NRG1: variants seen among roughly 807,000 people sequenced by gnomAD.
NRG1 encodes the protein neuregulin 1.
A neutral mutation model predicts 63.8 loss-of-function variants in NRG1; 18 were observed. That is an observed-to-expected ratio of 0.28 (90% CI 0.19 to 0.42). The LOEUF (loss-of-function observed/expected upper bound fraction) is 0.42. NRG1 is among the 10% of genes least tolerant of loss of function. NRG1 has a pLI of 1.00. For synonymous variants in NRG1, 302 were observed against 301.3 expected, an observed-to-expected ratio of 1.00 and a Z score of -0.02; for missense variants, 762 against 814.7, an observed-to-expected ratio of 0.94 and a Z score of 0.79.
intron 1 of NRG1, among the ~76,000 whole-genome samples, chr8:32,042,510 A>G (rs190963944): frequency 7.9e-5 from 12 of 152,192 alleles, no homozygotes; most frequent in Non-Finnish European, 1.3e-4. Flanking sequence ...TATAATGAAA[A>G]ATTGCTCAGC....
chr8:32,299,045 A>G lies in NRG1; in HGVS notation c.38-296783A>G, dbSNP rs111295972. ...TATCTCAAAAAAAAAAAAAAAAAAA[A>G]AAAGAAAGAAATAAAAAGCAAATAC... On this transcript the variant is annotated intron_variant, in intron 1 of 10. Coordinates refer to the NRG1 transcript ENST00000519301. 5.7e-3 allele frequency among the ~76,000 whole-genome samples: 823 copies of G among 145,108 alleles called. 10 individuals are homozygous for G. Among genetic ancestry groups the G allele is most frequent in the Middle Eastern group, 0.022 (6 of 274 alleles).
intron 1 of NRG1, among the ~76,000 whole-genome samples, chr8:32,467,649 T>C (rs570300236): frequency 6.6e-6 from 1 of 152,336 alleles, no homozygotes; most frequent in African/African-American, 2.4e-5. Flanking sequence ...AAACCAAATG[T>C]AGATCTGTCC....
rs949067328 is a variant in NRG1 at position 32,709,571 on chromosome 8, C to A, written c.503-18378C>A. 4.6e-5 allele frequency among the ~76,000 whole-genome samples: 7 copies of A among 151,994 alleles called. No individual in the cohort carries two copies. The East Asian group carries it at 1.2e-3, about 25-fold the overall frequency. ...GACTATGGGCCCATACCACCATGCC[C>A]GGCTAATTTTTAAATTGTTTTATTT... On this transcript the variant is annotated intron_variant, in intron 5 of 11. Transcript: ENST00000356819.
At chr8:31,748,490 A>G (rs1387838618) in intron 1 of NRG1, among the ~76,000 whole-genome samples, 1 of 151,872 alleles carries the variant, frequency 6.6e-6, no homozygotes, top group African/African-American at 2.4e-5. Flanking sequence ...GTTAGATTTT[A>G]GTTCTTTGTT....
chr8:31,741,800 G>C (rs1314207660), intron 1 of NRG1, among the ~76,000 whole-genome samples: 1 of 151,974 alleles, frequency 6.6e-6, no homozygotes, highest in Non-Finnish European at 1.5e-5. Context: ...AAAGTTTGAA[G>C]ATAGACCTAT....
At chr8:32,390,965 A>G (rs575820901) in intron 1 of NRG1, among the ~76,000 whole-genome samples, 1 of 152,376 alleles carries the variant, frequency 6.6e-6, no homozygotes, top group Non-Finnish European at 1.5e-5. Flanking sequence ...ACTCCAAAGT[A>G]TCAAATATTT....
chr8:32,342,193 A>G (rs1804167195), intron 1 of NRG1, among the ~76,000 whole-genome samples: 1 of 152,214 alleles, frequency 6.6e-6, no homozygotes, highest in Non-Finnish European at 1.5e-5. Context: ...GGGCAGAATA[A>G]AAAATGTCTA....
Position 32,256,146 on chromosome 8 carries a change from G to A in NRG1, c.38-339682G>A, listed in dbSNP as rs142755710. On this transcript the variant is annotated intron_variant, in intron 1 of 10. Coordinates refer to the NRG1 transcript ENST00000519301. ...AAGTTTCTTACCTTCCTTGCATTGG[G>A]AGGAGCTTGTTATTACCCACCTTCT... Among the ~76,000 whole-genome samples the A allele has an allele frequency of 3.3e-3, 499 of 152,004 alleles. 2 individuals are homozygous for A. Among genetic ancestry groups the A allele is most frequent in the African/African-American group, 0.011 (471 of 41,502 alleles).
chr8:31,653,539 C>T (rs4573230), intron 1 of NRG1, among the ~76,000 whole-genome samples: 146,111 of 152,262 alleles, frequency 0.96, 70,364 homozygotes, highest in East Asian at 1. Context: ...CAATTTGTGA[C>T]GGTCATTTAT....
At chr8:32,633,419 A>T (rs914209527) in intron 5 of NRG1, among the ~76,000 whole-genome samples, 19 of 152,188 alleles carry the variant, frequency 1.2e-4, no homozygotes, top group Non-Finnish European at 2.5e-4. Context: ...CCTGGGCATG[A>T]TCCCTTCTGG....
At chr8:32,363,426 G>T (rs938913897) in intron 1 of NRG1, among the ~76,000 whole-genome samples, 3 of 152,166 alleles carry the variant, frequency 2.0e-5, no homozygotes, top group African/African-American at 4.8e-5. Context: ...GAAGGGATTT[G>T]CTTCTTGGTA....
intron 1 of NRG1, among the ~76,000 whole-genome samples, chr8:32,308,427 A>G (rs1856464356): frequency 6.6e-6 from 1 of 152,192 alleles, no homozygotes; most frequent in Admixed American, 6.5e-5. Flanking sequence ...CCAGATATTG[A>G]TTATTCATAC....
chr8:31,734,393 G>T (rs546888361), intron 1 of NRG1, among the ~76,000 whole-genome samples: 1 of 152,026 alleles, frequency 6.6e-6, no homozygotes, highest in Non-Finnish European at 1.5e-5. Context: ...CCTTTCCTCG[G>T]GCATCAGAGT....
chr8:32,256,493 T>C, intron 1 of NRG1: 1 of 152,492 alleles, frequency 6.6e-6, no homozygotes, highest in Non-Finnish European at 1.5e-5. Flanking sequence ...AGACCCTGTT[T>C]GTGTCTACGG....
chr8:31,878,264 C>T (rs1830077136), intron 1 of NRG1, among the ~76,000 whole-genome samples: 1 of 152,024 alleles, frequency 6.6e-6, no homozygotes, highest in African/African-American at 2.4e-5. Flanking sequence ...AATTAATAAC[C>T]TTACATCTTT....
intron 1 of NRG1, among the ~76,000 whole-genome samples, chr8:32,043,798 A>G (rs563708116): frequency 1.6e-4 from 24 of 152,064 alleles, no homozygotes; most frequent in African/African-American, 5.8e-4. Flanking sequence ...TGTATACACA[A>G]AGAGATACAG....
intron 1 of NRG1, among the ~76,000 whole-genome samples, chr8:32,484,102 CAAA>C (rs11297137): frequency 2.2e-5 from 3 of 139,176 alleles, no homozygotes; most frequent in Non-Finnish European, 1.6e-5. Context: ...GACTCCGTAT[CAAA>C]AAAAAAAAAA....
chr8:31,892,995 A>G (rs968544564), intron 1 of NRG1, among the ~76,000 whole-genome samples: 3 of 151,950 alleles, frequency 2.0e-5, no homozygotes, highest in Non-Finnish European at 4.4e-5. Flanking sequence ...AATGTAGTCT[A>G]AAGAATATTA....
chr8:32,519,827 A>C (rs1311872675), intron 1 of NRG1, among the ~76,000 whole-genome samples: 1 of 152,150 alleles, frequency 6.6e-6, no homozygotes, highest in Admixed American at 6.5e-5. Context: ...TAACTTTTTC[A>C]GAAGCTCCCC....
Sources: gnomAD v4.1 joint callset for allele counts (sites outside exome capture counted in the v4.1 genomes callset) on GRCh38, gnomAD v4.1.1 for gene constraint, MANE v1.5 for transcripts, NCBI Gene and HGNC (gene_info 2026-07-23, HGNC 2026-07-21) for gene names.